The following PLEKHA8 variants were observed in gnomAD, a reference collection of about 807,000 sequenced individuals.
PLEKHA8 encodes pleckstrin homology domain-containing family A member 8.
In PLEKHA8, 36 loss-of-function variants were observed where a neutral mutation model predicts 68.2. The observed-to-expected ratio is 0.53, with a 90% CI of 0.40 to 0.70. PLEKHA8 has a LOEUF of 0.70. Among genes scored for constraint, PLEKHA8 ranks in the 30% least tolerant of loss-of-function variants. PLEKHA8 has a pLI of 0.00. For synonymous variants in PLEKHA8, 211 were observed against 216.1 expected, an observed-to-expected ratio of 0.98 and a Z score of 0.20; for missense variants, 505 against 615.4, an observed-to-expected ratio of 0.82 and a Z score of 1.90.
intron 1 of PLEKHA8, among the ~76,000 whole-genome samples, chr7:30,031,842 G>A (rs1393814611): frequency 2.0e-5 from 3 of 152,110 alleles, no homozygotes; most frequent in Non-Finnish European, 4.4e-5. Flanking sequence ...ATTACTGAAA[G>A]TTAGAATTCA....
At chr7:30,038,560 G>A (rs546674485) in intron 1 of PLEKHA8, among the ~76,000 whole-genome samples, 53 of 152,322 alleles carry the variant, frequency 3.5e-4, no homozygotes, top group Non-Finnish European at 6.9e-4. Flanking sequence ...GAATTTTGGG[G>A]ACAATTTTGG....
chr7:30,031,994 A>C (rs1488446894), intron 1 of PLEKHA8, among the ~76,000 whole-genome samples: 1 of 151,884 alleles, frequency 6.6e-6, no homozygotes, highest in Admixed American at 6.6e-5. Context: ...GTTTACATGT[A>C]TTTTCGTTTA....
chr7:30,097,037 C>G (rs1467547514), intron 13 of PLEKHA8, among the ~76,000 whole-genome samples: 1 of 152,166 alleles, frequency 6.6e-6, no homozygotes, highest in Non-Finnish European at 1.5e-5. Context: ...GACAAAATCT[C>G]TCAGCATTTG....
intron 13 of PLEKHA8, among the ~76,000 whole-genome samples, chr7:30,106,225 AT>A (rs915797229): frequency 6.6e-6 from 1 of 150,672 alleles, no homozygotes; most frequent in African/African-American, 2.4e-5. Flanking sequence ...CGGCCAGCTA[AT>A]TTTTTTTTGT....
intron 6 of PLEKHA8, among the ~76,000 whole-genome samples, chr7:30,051,397 T>G (rs1001865488): frequency 1.1e-4 from 13 of 114,174 alleles, no homozygotes; most frequent in African/African-American, 3.8e-4. Context: ...TGAAATATGG[T>G]TTTTTTTTTT....
intron 13 of PLEKHA8, among the ~76,000 whole-genome samples, chr7:30,095,928 C>A (rs970986992): frequency 1.3e-5 from 2 of 152,216 alleles, no homozygotes; most frequent in African/African-American, 4.8e-5. Flanking sequence ...GTTACTGTAG[C>A]CTTGTAGTAT....
chr7:30,060,547 A>C (rs1344676223), intron 9 of PLEKHA8, among the ~76,000 whole-genome samples: 1 of 152,216 alleles, frequency 6.6e-6, no homozygotes, highest in African/African-American at 2.4e-5. Flanking sequence ...CATTTTGGTT[A>C]GTACTAGCCA....
At chr7:30,124,184 C>T (rs1274383859) in intron 13 of PLEKHA8, among the ~76,000 whole-genome samples, 1 of 152,114 alleles carries the variant, frequency 6.6e-6, no homozygotes, top group Non-Finnish European at 1.5e-5. Context: ...TTTCTGACCC[C>T]TTTTACACTT....
At chr7:30,090,484 A>C in exon 13 of PLEKHA8, 1 of 254,156 alleles carries the variant, frequency 3.9e-6, no homozygotes, top group Non-Finnish European at 7.6e-6. Context: ...AAATAACTCA[A>C]TGATGGATGA....
At position 30,079,098 on chromosome 7, in the gene PLEKHA8, T is replaced by C. The variant is rs1005865920; in HGVS notation, c.*311T>C. On this transcript the variant is annotated 3_prime_UTR_variant, in exon 14 of 14. Coordinates refer to ENST00000449726, the MANE Select transcript of PLEKHA8 (RefSeq NM_001197026.2). Reference sequence around the variant, plus strand: ...GCTGTTATTGTGTATTGTATTGTTTTTATATTTTAGTCTAATGGGCCACCC... The same window carrying C: ...GCTGTTATTGTGTATTGTATTGTTTCTATATTTTAGTCTAATGGGCCACCC... 1.3e-5 allele frequency: 14 copies of C among 1,067,734 alleles called. No homozygotes were observed. Among genetic ancestry groups the C allele is most frequent in the Middle Eastern group, 4.3e-4 (1 of 2,348 alleles). 66.1% of individuals were successfully genotyped at this position (1,067,734 alleles called of 1,614,324 possible).
chr7:30,074,280 GGTGTTTT>G, intron 13 of PLEKHA8, 148 bp downstream of exon 13: 7 of 577,314 alleles, frequency 1.2e-5, no homozygotes, highest in African/African-American at 3.9e-5. Flanking sequence ...GTGTATGTGT[GGTGTTTT>G]TGTTTGCTTT....
At chr7:30,112,187 C>A (rs1471718279) in intron 13 of PLEKHA8, among the ~76,000 whole-genome samples, 1 of 151,938 alleles carries the variant, frequency 6.6e-6, no homozygotes, top group Admixed American at 6.5e-5. Flanking sequence ...ATTTTCTGTG[C>A]AACAACTAAC....
chr7:30,125,605 A>AGT (rs1441514779), intron 13 of PLEKHA8, among the ~76,000 whole-genome samples: 1 of 152,210 alleles, frequency 6.6e-6, no homozygotes, highest in Non-Finnish European at 1.5e-5. Context: ...ATTAGACAAC[A>AGT]GTGTAGTGTT....
chr7:30,090,042 G>A, intron 12 of PLEKHA8: 1 of 1,072,276 alleles, frequency 9.3e-7, no homozygotes, highest in Middle Eastern at 2.5e-4. Context: ...AAGAATAATT[G>A]GTGACCAAAA....
chr7:30,049,485 G>GT lies in PLEKHA8; in HGVS notation c.597+109dup, dbSNP rs1023482613. 8.5e-5 allele frequency: 118 copies of GT among 1,395,644 alleles called. 1 individual carries two copies. The highest frequency in any genetic ancestry group is 5.8e-6 in the Non-Finnish European group (6 of 1,040,210). The allele number at this position is 1,395,644 out of a possible 1,614,324, so 86.5% of individuals were successfully genotyped here. A position where few individuals can be genotyped will look rare whatever the true frequency, so the allele number is the denominator to read the frequency against. ...TACCCTTTAGTGACTTATAAAGACAGTTTTTTAATGGACTTTGCTCTACGT... is the reference window on the plus strand; with the variant it reads ...TACCCTTTAGTGACTTATAAAGACAGTTTTTTTAATGGACTTTGCTCTACGT... On this transcript the variant is annotated intron_variant, in intron 5 of 13. Transcript: ENST00000449726.
chr7:30,067,570 C>T (rs1448670480), intron 12 of PLEKHA8, among the ~76,000 whole-genome samples: 1 of 152,226 alleles, frequency 6.6e-6, no homozygotes, highest in African/African-American at 2.4e-5. Context: ...ACGTGTCACT[C>T]CTTAATCCCG....
rs370438512 is a variant in PLEKHA8, at chr7:30,054,700, A to C, written c.797-9A>C. The C allele has an allele frequency of 1.3e-6, 2 of 1,524,416 alleles. No homozygotes were observed. Among genetic ancestry groups the C allele is most frequent in the Non-Finnish European group, 1.8e-6 (2 of 1,126,648 alleles). The allele number at this position is 1,524,416 out of a possible 1,614,324, so 94.4% of individuals were successfully genotyped here. A position where few individuals can be genotyped will look rare whatever the true frequency, so the allele number is the denominator to read the frequency against. ...AATAGGTTAGTAATAGATATTTTCTACTTTGCAGTCCAAGGTGAAATAAGG... is the reference window on the plus strand; with the variant it reads ...AATAGGTTAGTAATAGATATTTTCTCCTTTGCAGTCCAAGGTGAAATAAGG... On this transcript the variant is annotated splice_polypyrimidine_tract_variant and intron_variant, in intron 7 of 13. Transcript: ENST00000449726.
At chr7:30,087,783 A>C (rs1275727628), downstream of PLEKHA8, among the ~76,000 whole-genome samples, 1 of 152,176 alleles carries the variant, frequency 6.6e-6, no homozygotes, top group Admixed American at 6.5e-5. Context: ...AAGCCCCTCA[A>C]AATCTTCCCA....
At chr7:30,125,470 A>G (rs542914945) in intron 13 of PLEKHA8, among the ~76,000 whole-genome samples, 103 of 152,364 alleles carry the variant, frequency 6.8e-4, no homozygotes, top group African/African-American at 2.3e-3. Flanking sequence ...CTGGAGATTT[A>G]TCAGTACCCT....
Sources: allele counts gnomAD v4.1 joint callset (sites outside exome capture counted in the v4.1 genomes callset), GRCh38; gene constraint gnomAD v4.1.1; transcripts MANE v1.5; gene names NCBI Gene and HGNC (gene_info 2026-07-23, HGNC 2026-07-21).